HPSE: variants seen among roughly 807,000 people sequenced by gnomAD.
HPSE encodes the protein heparanase.
In HPSE, 48 loss-of-function variants were observed where a neutral mutation model predicts 65.1. The observed-to-expected ratio is 0.74, with a 90% CI of 0.58 to 0.94. The LOEUF (loss-of-function observed/expected upper bound fraction) is 0.94. HPSE is among the 40% of genes least tolerant of loss of function. The probability of loss-of-function intolerance (pLI) is 0.00; values close to 1 mark genes in which losing one functional copy is unlikely to be tolerated. For missense variants in HPSE, 644 were observed against 637.5 expected (o/e 1.01, Z -0.11); for synonymous variants, 243 against 260.0 (o/e 0.93, Z 0.63).
intron 11 of HPSE, among the ~76,000 whole-genome samples, chr4:83,300,216 C>A (rs950034894): frequency 4.6e-5 from 7 of 152,302 alleles, no homozygotes; most frequent in African/African-American, 1.7e-4. Context: ...AAGAAGTATA[C>A]TCTAGCTATT....
At chr4:83,308,304 G>C (rs543259735) in intron 8 of HPSE, among the ~76,000 whole-genome samples, 5 of 152,076 alleles carry the variant, frequency 3.3e-5, no homozygotes, top group Admixed American at 3.3e-4. Context: ...TACTCAGGAC[G>C]CTGAGGCAGG....
intron 3 of HPSE, among the ~76,000 whole-genome samples, chr4:83,316,348 A>C (rs78060447): frequency 0.023 from 3,364 of 147,850 alleles, 133 homozygotes; most frequent in African/African-American, 0.076. Flanking sequence ...AAAAAAAAAA[A>C]ACAAAAAAAA....
chr4:83,327,987 T>G (rs1737214342), intron 1 of HPSE, among the ~76,000 whole-genome samples: 1 of 152,162 alleles, frequency 6.6e-6, no homozygotes, highest in Admixed American at 6.6e-5. Flanking sequence ...AGAACACCAA[T>G]GTTTAAGACA....
At chr4:83,304,240 C>T (rs1736071768) in intron 9 of HPSE, among the ~76,000 whole-genome samples, 2 of 152,024 alleles carry the variant, frequency 1.3e-5, no homozygotes, top group African/African-American at 4.8e-5. Context: ...CTAGTGCCAT[C>T]TCTACACTGA....
chr4:83,309,302 A>G, intron 7 of HPSE, 100 bp downstream of exon 7: 1 of 683,038 alleles, frequency 1.5e-6, no homozygotes, highest in East Asian at 2.8e-5. Context: ...CTCTAAAATT[A>G]GAAAAACATG....
rs561190535 is a variant in HPSE at position 83,299,708 on chromosome 4, T to C, written c.1472+1252A>G. ...AATTTTGTAAACTCTTAATTTTTAT[T>C]TATTTATTTTTTTGAGACAGGGTCT... On this transcript the variant is annotated intron_variant, in intron 11 of 11. Transcript: ENST00000311412. Among the ~76,000 whole-genome samples the C allele has an allele frequency of 2.0e-5, 3 of 152,008 alleles. No individual in the cohort carries two copies. In the East Asian group the frequency reaches 5.8e-4, roughly 29 times the overall value.
rs116258694 is a variant in HPSE, at chr4:83,306,934, C to T, written c.1092-617G>A. On this transcript the variant is annotated intron_variant, in intron 8 of 11. Transcript: ENST00000311412. ...TCAGTGCTTGAGATATCTTGCAGAC[C>T]CTGAACTGGGTGGATCATTTGAGAC... Among the ~76,000 whole-genome samples the T allele has an allele frequency of 5.4e-3, 817 of 152,188 alleles. 8 individuals are homozygous for T. The highest frequency in any genetic ancestry group is 0.019 in the African/African-American group (774 of 41,506).
intron 4 of HPSE, 34 bp from the exon 5 acceptor site, chr4:83,310,924 G>T (rs1360885234): frequency 3.3e-6 from 5 of 1,534,390 alleles, no homozygotes; most frequent in Admixed American, 3.7e-5. Flanking sequence ...TATATATCGA[G>T]AAATGTTGTA....
rs142836795 is a variant in HPSE at position 83,326,541 on chromosome 4, A to T, written c.228-4177T>A. ...TTGAGATACCAATGGAACACCAAAA[A>T]ACATACTTCCATCCATCAGGCGCTT... On this transcript the variant is annotated intron_variant, in intron 1 of 11. Coordinates refer to ENST00000311412, the MANE Select transcript of HPSE (RefSeq NM_001098540.3). The surrounding 1 kb of genome is among the most constrained non-coding windows in gnomAD (Gnocchi z 4.2). Among the ~76,000 whole-genome samples, 129 of 152,342 alleles carry T rather than the reference A, an allele frequency of 8.5e-4. 1 individual carries two copies. Among genetic ancestry groups the T allele is most frequent in the Middle Eastern group, 6.8e-3 (2 of 294 alleles).
rs1187014915 is a variant in HPSE, at chr4:83,328,432, G to T, written c.228-6068C>A. ...TAAGCAGCCCATCACATTCCAGTAT[G>T]ACCTCATCCTAACTAATAACGTCTG... On this transcript the variant is annotated intron_variant, in intron 1 of 11. Transcript: ENST00000311412. 2.6e-5 allele frequency among the ~76,000 whole-genome samples: 4 copies of T among 152,112 alleles called. No individual in the cohort carries two copies. In the East Asian group the frequency reaches 7.7e-4, roughly 29 times the overall value.
intron 3 of HPSE, among the ~76,000 whole-genome samples, chr4:83,317,999 G>A (rs992754333): frequency 6.6e-6 from 1 of 152,068 alleles, no homozygotes; most frequent in Admixed American, 6.6e-5. Flanking sequence ...TTAGCTATTA[G>A]CATATGCGCT....
intron 11 of HPSE, among the ~76,000 whole-genome samples, chr4:83,296,500 T>A (rs1735726549): frequency 6.6e-6 from 1 of 151,796 alleles, no homozygotes; most frequent in Admixed American, 6.6e-5. Flanking sequence ...ATGGCAAAAC[T>A]CCATCTCTAC....
chr4:83,313,431 G>A (rs188145260), intron 3 of HPSE, 144 bp from the exon 4 acceptor site: 5 of 567,496 alleles, frequency 8.8e-6, no homozygotes, highest in Non-Finnish European at 1.5e-5. Context: ...ATGTTTTTGA[G>A]ACAACAAAAT....
In HPSE at chr4:83,310,046, G is replaced by A. The variant is rs1207463470; in HGVS notation, c.875C>T (p.Ser292Leu). ...ACATACTTACTGATGCCATGTAACTGAATCAATCACTTCTCCACCAGCCTT... is the reference window on the plus strand; with the variant it reads ...ACATACTTACTGATGCCATGTAACTAAATCAATCACTTCTCCACCAGCCTT... ...FLKAGGEVID[S>L]VTWHHYYLNG... is the part of the protein sequence containing the mutation. Residue 292 changes from serine to leucine, a missense_variant, in exon 6 of 12, where the codon TCA becomes TTA. Coordinates refer to ENST00000311412, the MANE Select transcript of HPSE (RefSeq NM_001098540.3). The A allele has an allele frequency of 1.9e-6, 3 of 1,610,468 alleles. No homozygotes were observed. The highest frequency in any genetic ancestry group is 2.7e-5 in the African/African-American group (2 of 74,770).
At chr4:83,325,268 C>T (rs775374488) in intron 1 of HPSE, among the ~76,000 whole-genome samples, 9 of 151,588 alleles carry the variant, frequency 5.9e-5, no homozygotes, top group Non-Finnish European at 1.0e-4. Context: ...TGGGTTCAAG[C>T]GATTCTCTTG....
At chr4:83,310,613 A>T in intron 5 of HPSE, 109 bp downstream of exon 5, 1 of 988,886 alleles carries the variant, frequency 1.0e-6, no homozygotes, top group Non-Finnish European at 1.5e-6. Context: ...TCGAAGTTGC[A>T]GTGAGCCATG....
At chr4:83,311,296 G>A (rs1319693338) in intron 4 of HPSE, among the ~76,000 whole-genome samples, 7 of 151,604 alleles carry the variant, frequency 4.6e-5, no homozygotes, top group Admixed American at 6.6e-5. Context: ...CAGAGCAAGC[G>A]TCTGTCTCAA....
At position 83,308,880 on chromosome 4, in the gene HPSE, C is replaced by T. The variant is rs139839221; in HGVS notation, c.1056G>A (p.Ala352=). The T allele has an allele frequency of 0.024, 38,190 of 1,613,968 alleles. 556 individuals are homozygous for T. The highest frequency in any genetic ancestry group is 0.035 in the Middle Eastern group (214 of 6,040). The part of the protein sequence containing the change: ...GETSSAYGGG[A]PLLSDTFAAG... ...CTGCAAAGGTGTCGGATAGCAAGGG[C>T]GCTCCGCCTCCATATGCAGAGCTTG... Residue 352 remains alanine, a synonymous_variant, in exon 8 of 12, where the codon GCG becomes GCA. Transcript: ENST00000311412.
chr4:83,296,677 G>C (rs200105050), intron 11 of HPSE, among the ~76,000 whole-genome samples: 2 of 91,100 alleles, frequency 2.2e-5, no homozygotes, highest in Non-Finnish European at 4.8e-5. Flanking sequence ...TCTAAAAAAA[G>C]AAAAAAAAAA....
Sources: gnomAD v4.1 joint callset for allele counts (sites outside exome capture counted in the v4.1 genomes callset) on GRCh38, gnomAD v4.1.1 for gene constraint, Gnocchi (gnomAD v3.1) non-coding constraint, MANE v1.5 for transcripts, NCBI Gene and HGNC (gene_info 2026-07-23, HGNC 2026-07-21) for gene names.